Variants in FLT3 observed in about 807,000 individuals in gnomAD.
FLT3 encodes the protein receptor-type tyrosine-protein kinase FLT3.
FLT3 carries 46 observed loss-of-function variants against 126.6 expected under a neutral mutation model. The ratio of observed to expected loss-of-function variants is 0.36; its 90% CI spans 0.29 to 0.46. FLT3 has a LOEUF of 0.46. Among genes scored for constraint, FLT3 ranks in the 20% least tolerant of loss-of-function variants. The pLI is 1.00. For synonymous variants in FLT3, 404 were observed against 434.4 expected (o/e 0.93, Z 0.87); for missense variants, 1,069 against 1,190.3 (o/e 0.90, Z 1.50).
At chr13:28,045,630 C>T (rs1038075072) in intron 9 of FLT3, among the ~76,000 whole-genome samples, 4 of 152,048 alleles carry the variant, frequency 2.6e-5, no homozygotes, top group African/African-American at 7.2e-5. Flanking sequence ...GAGGCTGAGG[C>T]GGTTGGATCA....
At chr13:28,011,346 G>GGGGAGGGGA (rs1871341403) in intron 23 of FLT3, among the ~76,000 whole-genome samples, 1 of 149,674 alleles carries the variant, frequency 6.7e-6, no homozygotes, top group South Asian at 2.1e-4. Context: ...GGGGAGGGGA[G>GGGGAGGGGA]GGGAGGGGAG....
At chr13:28,061,516 G>A (rs934561945) in intron 3 of FLT3, among the ~76,000 whole-genome samples, 2 of 152,036 alleles carry the variant, frequency 1.3e-5, no homozygotes, top group African/African-American at 2.4e-5. Flanking sequence ...CTGTAATCCC[G>A]GTACTTTTGA....
chr13:28,059,580 T>C (rs1876352551), intron 3 of FLT3, among the ~76,000 whole-genome samples: 1 of 152,240 alleles, frequency 6.6e-6, no homozygotes, highest in African/African-American at 2.4e-5. Context: ...ATTCTGCTTA[T>C]CATATTGTGA....
intron 4 of FLT3, among the ~76,000 whole-genome samples, chr13:28,053,174 TCACA>T (rs10549768): frequency 2.4e-4 from 36 of 148,894 alleles, no homozygotes; most frequent in South Asian, 4.3e-4. Flanking sequence ...TCACCCTGGA[TCACA>T]CACACACACA....
At chr13:28,083,406 A>G (rs1878456605) in intron 1 of FLT3, among the ~76,000 whole-genome samples, 2 of 152,190 alleles carry the variant, frequency 1.3e-5, no homozygotes, top group Admixed American at 1.3e-4. Flanking sequence ...TTAAAATATT[A>G]CTAAGGATTG....
chr13:28,022,099 G>A (rs1216025555), intron 19 of FLT3, among the ~76,000 whole-genome samples: 1 of 152,040 alleles, frequency 6.6e-6, no homozygotes, highest in Non-Finnish European at 1.5e-5. Context: ...GTGCAGTGGT[G>A]CGATCCTAGC....
rs1873744856 is a variant in FLT3, at chr13:28,035,454, G to C, written c.1597+41C>G. 1.1e-5 allele frequency: 18 copies of C among 1,579,042 alleles called. No individual in the cohort carries two copies. The East Asian group carries it at 4.0e-4, about 35-fold the overall frequency. The stretch of plus-strand genomic sequence containing the variant: ...GCGATGGGGACTAACTTCTAGTGGG[G>C]AATTCCTGATGGTGGAATATCACAA... On this transcript the variant is annotated intron_variant, in intron 12 of 23. Transcript: ENST00000241453.
At position 28,035,666 on chromosome 13, in the gene FLT3, C is replaced by T. The variant is rs766805610; in HGVS notation, c.1426G>A (p.Glu476Lys). ...TTCCAGACTCCTTCTGTGATCTCTTCTGTGCAGCTGAAAAAAAAAATAGCA... is the reference window on the plus strand; with the variant it reads ...TTCCAGACTCCTTCTGTGATCTCTTTTGTGCAGCTGAAAAAAAAAATAGCA... ...KCSDKSPNCTEEITEGVWNRK... is the reference protein window; with the variant it reads ...KCSDKSPNCTKEITEGVWNRK... Residue 476 changes from glutamate to lysine, a missense_variant, in exon 12 of 24, where the codon GAA becomes AAA. Transcript: ENST00000241453. 10 of 1,600,888 alleles carry T rather than the reference C, an allele frequency of 6.2e-6. No homozygotes were observed. The highest frequency in any genetic ancestry group is 8.5e-6 in the Non-Finnish European group (10 of 1,176,968).
At chr13:28,031,029 A>G (rs939990237) in intron 15 of FLT3, among the ~76,000 whole-genome samples, 1 of 152,206 alleles carries the variant, frequency 6.6e-6, no homozygotes, top group African/African-American at 2.4e-5. Context: ...GATCAAGACC[A>G]TCCTGGCTAA....
chr13:28,088,627 C>A (rs1247966731), intron 1 of FLT3, among the ~76,000 whole-genome samples: 1 of 146,936 alleles, frequency 6.8e-6, no homozygotes, highest in Admixed American at 7.0e-5. Flanking sequence ...ACACTGTCAC[C>A]TGGGCTGGAG....
In FLT3 at chr13:28,028,196, C is replaced by G; in HGVS notation, c.2035G>C (p.Gly679Arg). Residue 679 changes from glycine (G) to arginine (R), a missense_variant, in exon 16 of 24, where the codon GGG becomes CGG. By Grantham distance (125) the Gly-to-Arg change is moderately radical (BLOSUM62 -2). Transcript: ENST00000241453. ...GSHENIVNLL[G>R]ACTLSGPIYL... ...GGGTTACCTGACAGTGTGCACGCCC[C>G]CAGCAGGTTCACAATATTCTCGTGG... 1.2e-6 allele frequency: 2 copies of G among 1,600,184 alleles called. No individual in the cohort carries two copies. The highest frequency in any genetic ancestry group is 1.7e-6 in the Non-Finnish European group (2 of 1,167,352).
intron 1 of FLT3, among the ~76,000 whole-genome samples, chr13:28,092,316 G>T (rs1566109792): frequency 6.6e-6 from 1 of 151,642 alleles, no homozygotes; most frequent in Admixed American, 6.6e-5. Context: ...AGCCATTTTT[G>T]ACTCCTCCCT....
At chr13:28,066,834 TAAAG>T (rs1000792466) in intron 2 of FLT3, among the ~76,000 whole-genome samples, 17 of 152,206 alleles carry the variant, frequency 1.1e-4, no homozygotes, top group African/African-American at 3.1e-4. Flanking sequence ...AGGTGAAAAT[TAAAG>T]AAGGAACAGG....
At chr13:28,068,685 C>T (rs1200547299) in intron 2 of FLT3, among the ~76,000 whole-genome samples, 2 of 152,164 alleles carry the variant, frequency 1.3e-5, no homozygotes, top group Non-Finnish European at 2.9e-5. Context: ...CCGGCCTCAG[C>T]CTCACAAGTA....
At chr13:28,071,034 G>A (rs144100934) in intron 1 of FLT3, among the ~76,000 whole-genome samples, 15 of 116,196 alleles carry the variant, frequency 1.3e-4, no homozygotes, top group South Asian at 5.9e-4. Context: ...TCGCTCTGTC[G>A]CCCAGGCTGG....
chr13:28,045,767 A>G (rs1360894022), intron 9 of FLT3, among the ~76,000 whole-genome samples: 1 of 151,724 alleles, frequency 6.6e-6, no homozygotes. Flanking sequence ...AGGCTGAGGC[A>G]GGAGAATTGC....
intron 3 of FLT3, among the ~76,000 whole-genome samples, chr13:28,059,756 C>G (rs182703873): frequency 6.6e-6 from 1 of 150,796 alleles, no homozygotes. Flanking sequence ...GGTCAAAAGA[C>G]GGAGACCATC....
chr13:28,034,944 C>CAAA (rs34049926), intron 12 of FLT3, among the ~76,000 whole-genome samples: 6,045 of 149,148 alleles, frequency 0.041, 347 homozygotes, highest in African/African-American at 0.12. Flanking sequence ...GTCTCCATCT[C>CAAA]AAAAAAAAAA....
chr13:28,030,932 A>G (rs1390670250), intron 15 of FLT3, among the ~76,000 whole-genome samples: 1 of 151,262 alleles, frequency 6.6e-6, no homozygotes, highest in Non-Finnish European at 1.5e-5. Flanking sequence ...GAAAAAGAAA[A>G]AATGCAACGT....
Sources: gnomAD v4.1 joint callset for allele counts (sites outside exome capture counted in the v4.1 genomes callset) on GRCh38, gnomAD v4.1.1 for gene constraint, MANE v1.5 for transcripts, NCBI Gene and HGNC (gene_info 2026-07-23, HGNC 2026-07-21) for gene names.